Variants in RWDD2B observed in about 807,000 individuals in gnomAD.
The protein encoded by RWDD2B is RWD domain-containing protein 2B.
Under a neutral mutation model 33.6 loss-of-function variants are expected in RWDD2B, and 36 were observed. The ratio of observed to expected loss-of-function variants is 1.07; its 90% confidence interval spans 0.82 to 1.42. RWDD2B has a LOEUF of 1.42. Ranked by LOEUF, RWDD2B falls within the 40% of genes most tolerant of loss-of-function variation. The pLI is 0.00. For missense variants in RWDD2B, 364 were observed against 377.5 expected, an observed-to-expected ratio of 0.96 and a Z score of 0.30; for synonymous variants, 126 against 133.1, an observed-to-expected ratio of 0.95 and a Z score of 0.37.
chr21:29,018,947 G>C (rs952970141), intron 1 of RWDD2B, among the ~76,000 whole-genome samples: 2 of 152,168 alleles, frequency 1.3e-5, no homozygotes, highest in Non-Finnish European at 2.9e-5. Context: ...GGTACCCCGC[G>C]ACCCAAGCCA....
Position 29,018,125 on chromosome 21 carries a change from T to G in RWDD2B, c.67+1086A>C, listed in dbSNP as rs142549516. On this transcript the variant is annotated intron_variant, in intron 1 of 4. Transcript: ENST00000493196. ...ATAACTAGGGAGAGATGATGGTGGC[T>G]TTGATAGGATTATAGTGGTCAAGTT... Among the ~76,000 whole-genome samples the G allele has an allele frequency of 3.7e-4, 57 of 152,286 alleles. 1 individual carries two copies. The East Asian group carries it at 0.01, about 27-fold the overall frequency.
At chr21:29,010,651 CTCTCCCTCTCCCGTCTCCCCATGG>C (rs1179159765) in intron 1 of RWDD2B, among the ~76,000 whole-genome samples, 2 of 148,960 alleles carry the variant, frequency 1.3e-5, no homozygotes, top group African/African-American at 5.0e-5. Context: ...AACCCTCTCC[CTCTCCCTCTCCCGTCTCCCCATGG>C]TCTCCCTCTC....
intron 1 of RWDD2B, among the ~76,000 whole-genome samples, chr21:29,013,047 CTTT>C (rs552941963): frequency 5.0e-5 from 7 of 139,136 alleles, no homozygotes; most frequent in African/African-American, 5.3e-5. Context: ...TCCTAATACT[CTTT>C]TTTTTTTTTT....
chr21:29,019,163 G>T (rs905937061), intron 1 of RWDD2B, 48 bp downstream of exon 1: 18 of 1,488,444 alleles, frequency 1.2e-5, no homozygotes, highest in Non-Finnish European at 1.6e-5. Flanking sequence ...TGCAGCGTGG[G>T]AAACCCCCGT....
chr21:29,011,927 T>C (rs1413318920), intron 1 of RWDD2B, among the ~76,000 whole-genome samples: 2 of 108,740 alleles, frequency 1.8e-5, no homozygotes, highest in African/African-American at 7.2e-5. Context: ...AGCCGCCCCA[T>C]CCGGGAGGGA....
At chr21:29,017,040 T>C (rs1480098225) in intron 1 of RWDD2B, among the ~76,000 whole-genome samples, 1 of 151,956 alleles carries the variant, frequency 6.6e-6, no homozygotes, top group Non-Finnish European at 1.5e-5. Context: ...AACCTCTGCT[T>C]TCTGGGTTTT....
chr21:29,008,594 T>G lies in RWDD2B; in HGVS notation c.95A>C (p.Glu32Ala). Residue 32 changes from glutamate (E) to alanine (A), a missense_variant, in exon 2 of 5, where the codon GAG (glutamate) becomes GCG (alanine). Coordinates refer to ENST00000493196, the MANE Select transcript of RWDD2B (RefSeq NM_016940.3). The part of the protein sequence containing the change: ...QETYTCPKMI[E>A]MEQAEAQLAE... ...AAGCTGGGCCTCCGCCTGCTCCATCTCAATCATTTTTGGACATGTGTAAGT... is the reference window on the plus strand; with the variant it reads ...AAGCTGGGCCTCCGCCTGCTCCATCGCAATCATTTTTGGACATGTGTAAGT... 1.2e-6 allele frequency: 2 copies of G among 1,613,462 alleles called. No individual in the cohort carries two copies. The highest frequency in any genetic ancestry group is 1.7e-6 in the Non-Finnish European group (2 of 1,179,898).
At chr21:29,011,465 C>G (rs1004615987) in intron 1 of RWDD2B, among the ~76,000 whole-genome samples, 22 of 147,120 alleles carry the variant, frequency 1.5e-4, no homozygotes, top group Non-Finnish European at 2.9e-4. Flanking sequence ...GGAGCCCCTC[C>G]GCCCAGCAGC....
chr21:29,010,840 G>T (rs950529915), intron 1 of RWDD2B, among the ~76,000 whole-genome samples: 1 of 151,948 alleles, frequency 6.6e-6, no homozygotes, highest in Non-Finnish European at 1.5e-5. Flanking sequence ...ACTGGTTTTC[G>T]TATTTTTTTG....
chr21:29,011,749 C>A (rs2084862242), intron 1 of RWDD2B, among the ~76,000 whole-genome samples: 2 of 126,186 alleles, frequency 1.6e-5, no homozygotes, highest in African/African-American at 3.0e-5. Flanking sequence ...CCAGCCGCCC[C>A]GTCCGGGAGG....
intron 1 of RWDD2B, among the ~76,000 whole-genome samples, chr21:29,012,840 A>G (rs548514065): frequency 6.6e-6 from 1 of 152,096 alleles, no homozygotes; most frequent in South Asian, 2.1e-4. Context: ...TATTTGATCC[A>G]TCTGGGATAT....
At chr21:29,016,568 T>C (rs540290454) in intron 1 of RWDD2B, among the ~76,000 whole-genome samples, 1 of 151,900 alleles carries the variant, frequency 6.6e-6, no homozygotes, top group Non-Finnish European at 1.5e-5. Flanking sequence ...CCGGCCTTTT[T>C]TTTTTTAAAC....
chr21:29,008,375 T>C lies in RWDD2B; in HGVS notation c.294+20A>G. On this transcript the variant is annotated intron_variant, in intron 2 of 4. Coordinates refer to ENST00000493196, the MANE Select transcript of RWDD2B (RefSeq NM_016940.3). ...AAGTCTCAACATGTTTCAATCCCTC[T>C]AAAAGCAAAACTGAATTACCATTTT... The C allele has an allele frequency of 6.2e-7, 1 of 1,613,344 alleles. No homozygotes were observed. Among genetic ancestry groups the C allele is most frequent in the Non-Finnish European group, 8.5e-7 (1 of 1,179,318 alleles).
At chr21:29,012,583 T>G (rs1384500900) in intron 1 of RWDD2B, among the ~76,000 whole-genome samples, 3 of 151,748 alleles carry the variant, frequency 2.0e-5, no homozygotes, top group Non-Finnish European at 4.4e-5. Flanking sequence ...AGCATGCTCC[T>G]TAAGAGTCAT....
At chr21:29,008,642 G>A in intron 1 of RWDD2B, 21 bp from the exon 2 acceptor site, 3 of 1,532,646 alleles carry the variant, frequency 2.0e-6, no homozygotes, top group Non-Finnish European at 2.7e-6. Context: ...AAAGATAAGA[G>A]AGACAATTTA....
rs749801535 is a variant in RWDD2B, at chr21:29,006,495, A to T, written c.882T>A (p.Phe294Leu). ...VNGARGNHMD[F>L]GQLYQFLNTK... ...TGTTTAAGAACTGATAGAGCTGACC[A>T]AAGTCCATGTGGTTTCCCCTGGCTC... The change falls in exon 5 of 5, where the codon TTT (phenylalanine) becomes TTA (leucine). Residue 294 changes from phenylalanine (F) to leucine (L), a missense_variant. By Grantham distance (22) the Phe-to-Leu change is conservative. Transcript: ENST00000493196. The T allele has an allele frequency of 6.2e-7, 1 of 1,614,130 alleles. No homozygotes were observed. The highest frequency in any genetic ancestry group is 8.5e-7 in the Non-Finnish European group (1 of 1,179,984).
At chr21:29,013,517 A>G (rs1307279302) in intron 1 of RWDD2B, among the ~76,000 whole-genome samples, 1 of 151,612 alleles carries the variant, frequency 6.6e-6, no homozygotes, top group Non-Finnish European at 1.5e-5. Flanking sequence ...GTGAAACCCC[A>G]CCTCTACTAA....
chr21:29,011,111 G>A (rs1397638657), intron 1 of RWDD2B, among the ~76,000 whole-genome samples: 3 of 151,612 alleles, frequency 2.0e-5, no homozygotes, highest in Non-Finnish European at 4.4e-5. Flanking sequence ...AGTGAGGAGC[G>A]TCTCTGCCCG....
rs1331458430 is a variant in RWDD2B at position 29,008,066 on chromosome 21, G to A, written c.420C>T (p.Phe140=). 2 of 1,614,166 alleles carry A rather than the reference G, an allele frequency of 1.2e-6. No individual in the cohort carries two copies. The highest frequency in any genetic ancestry group is 1.7e-6 in the Non-Finnish European group (2 of 1,180,008). ...QTQLNTDLTA[F]LQKHCHGDVC... ...CATCTCCATGACAATGTTTTTGCAGGAATGCAGTCAGATCTGTGTTCAGCT... is the reference window on the plus strand; with the variant it reads ...CATCTCCATGACAATGTTTTTGCAGAAATGCAGTCAGATCTGTGTTCAGCT... Residue 140 remains phenylalanine (F), a synonymous_variant, in exon 4 of 5, where the codon TTC becomes TTT. Transcript: ENST00000493196.
Sources: gnomAD v4.1 joint callset for allele counts (sites outside exome capture counted in the v4.1 genomes callset) on GRCh38, gnomAD v4.1.1 for gene constraint, MANE v1.5 for transcripts, NCBI Gene and HGNC (gene_info 2026-07-23, HGNC 2026-07-21) for gene names.